STXBP5: variants seen among roughly 807,000 people sequenced by gnomAD.
STXBP5 encodes syntaxin binding protein 5, also known as syntaxin-binding protein 5.
In STXBP5, 50 loss-of-function variants were observed where a neutral mutation model predicts 152.4. The observed-to-expected ratio is 0.33, with a 90% confidence interval of 0.26 to 0.42. The LOEUF (loss-of-function observed/expected upper bound fraction) is 0.42, where lower values mean the gene tolerates loss of function less well. STXBP5 is among the 10% of genes least tolerant of loss of function. The pLI is 1.00. For missense variants in STXBP5, 1,167 were observed against 1,388.6 expected, an observed-to-expected ratio of 0.84 and a Z score of 2.54; for synonymous variants, 492 against 494.7, an observed-to-expected ratio of 0.99 and a Z score of 0.07.
chr6:147,346,121 T>C (rs1461671074), intron 21 of STXBP5, among the ~76,000 whole-genome samples: 1 of 152,210 alleles, frequency 6.6e-6, no homozygotes, highest in Non-Finnish European at 1.5e-5. Flanking sequence ...GCTTTCAGTT[T>C]GAAGGTCACA....
intron 8 of STXBP5, among the ~76,000 whole-genome samples, chr6:147,280,403 G>T (rs1335613138): frequency 6.6e-6 from 1 of 152,110 alleles, no homozygotes; most frequent in Non-Finnish European, 1.5e-5. Context: ...CTCATATCCT[G>T]ATCCTTTGGT....
At chr6:147,361,523 G>GA (rs1785066325) in intron 23 of STXBP5, among the ~76,000 whole-genome samples, 1 of 152,148 alleles carries the variant, frequency 6.6e-6, no homozygotes, top group African/African-American at 2.4e-5. Context: ...TGAGAAGAAA[G>GA]AGATGTTTTC....
chr6:147,370,576 T>C (rs1785493752), intron 25 of STXBP5, among the ~76,000 whole-genome samples: 1 of 152,068 alleles, frequency 6.6e-6, no homozygotes, highest in South Asian at 2.1e-4. Context: ...ATAAACTGTT[T>C]TTTTCAAATG....
intron 13 of STXBP5, 22 bp from the exon 14 acceptor site, chr6:147,314,574 T>G: frequency 6.2e-7 from 1 of 1,606,536 alleles, no homozygotes; most frequent in African/African-American, 1.3e-5. Context: ...ATTCATCACA[T>G]TCTTAACATT....
intron 11 of STXBP5, among the ~76,000 whole-genome samples, chr6:147,313,038 G>C (rs1310559100): frequency 6.6e-6 from 1 of 152,148 alleles, no homozygotes; most frequent in Non-Finnish European, 1.5e-5. Flanking sequence ...GAAGAAAGTT[G>C]CTTGCCGTTT....
intron 27 of STXBP5, among the ~76,000 whole-genome samples, chr6:147,383,268 T>C (rs1786180506): frequency 6.6e-6 from 1 of 152,118 alleles, no homozygotes; most frequent in African/African-American, 2.4e-5. Flanking sequence ...TTTGCAACTG[T>C]TTCTTAAGGA....
At chr6:147,362,810 T>A (rs1022933722) in intron 23 of STXBP5, among the ~76,000 whole-genome samples, 4 of 152,214 alleles carry the variant, frequency 2.6e-5, no homozygotes, top group African/African-American at 9.6e-5. Flanking sequence ...TGAAAGTGAT[T>A]GAGGCATTTT....
intron 23 of STXBP5, among the ~76,000 whole-genome samples, chr6:147,359,752 T>C (rs1009761954): frequency 1.3e-5 from 2 of 151,826 alleles, no homozygotes; most frequent in African/African-American, 2.4e-5. Flanking sequence ...AGAATGATGA[T>C]TTCCAATTTC....
chr6:147,315,102 C>G (rs1019468007), intron 14 of STXBP5, among the ~76,000 whole-genome samples: 6 of 152,032 alleles, frequency 3.9e-5, no homozygotes, highest in Non-Finnish European at 5.9e-5. Flanking sequence ...CCAGTTAACT[C>G]AGGATATGTT....
intron 7 of STXBP5, among the ~76,000 whole-genome samples, chr6:147,270,928 A>G (rs1255325595): frequency 1.3e-5 from 2 of 152,178 alleles, no homozygotes; most frequent in East Asian, 3.9e-4. Flanking sequence ...ATGGTAGACT[A>G]TGATAAAGAT....
intron 4 of STXBP5, among the ~76,000 whole-genome samples, chr6:147,257,103 T>A (rs1196172476): frequency 1.3e-5 from 2 of 151,860 alleles, no homozygotes; most frequent in Non-Finnish European, 2.9e-5. Context: ...AACTGTCATG[T>A]TCCCAGTAAC....
At chr6:147,218,147 C>T (rs1299447942) in intron 2 of STXBP5, among the ~76,000 whole-genome samples, 1 of 152,156 alleles carries the variant, frequency 6.6e-6, no homozygotes, top group African/African-American at 2.4e-5. Context: ...TCGTAGCCTC[C>T]TCCATTATCA....
At chr6:147,299,063 A>G (rs1330567169) in intron 9 of STXBP5, among the ~76,000 whole-genome samples, 1 of 152,054 alleles carries the variant, frequency 6.6e-6, no homozygotes, top group East Asian at 1.9e-4. Context: ...AAATAAAAAT[A>G]CCAAATATCA....
chr6:147,253,863 T>C (rs957195911), intron 4 of STXBP5, among the ~76,000 whole-genome samples: 1 of 152,136 alleles, frequency 6.6e-6, no homozygotes, highest in Non-Finnish European at 1.5e-5. Context: ...AAAATGGCCA[T>C]ACTGCCCAAA....
chr6:147,213,326 T>A (rs1222153043), intron 2 of STXBP5, among the ~76,000 whole-genome samples: 1 of 151,352 alleles, frequency 6.6e-6, no homozygotes, highest in African/African-American at 2.4e-5. Context: ...CAATCACAGC[T>A]CGCTGCAGCC....
intron 2 of STXBP5, among the ~76,000 whole-genome samples, chr6:147,226,150 C>A (rs765003533): frequency 6.6e-6 from 1 of 151,746 alleles, no homozygotes; most frequent in African/African-American, 2.4e-5. Context: ...AACAAACAAA[C>A]AAAAAAGCCA....
chr6:147,315,797 G>A lies in STXBP5; in HGVS notation c.1623+62G>A, dbSNP rs1053334258. On this transcript the variant is annotated intron_variant, in intron 15 of 27. Transcript: ENST00000321680. ...TTTCATCCACATTTTTAAATTTGTGGATGATTTGGAAGACTTTTTGCAGTC... is the reference window on the plus strand; with the variant it reads ...TTTCATCCACATTTTTAAATTTGTGAATGATTTGGAAGACTTTTTGCAGTC... The A allele has an allele frequency of 3.3e-6, 5 of 1,507,738 alleles. No individual in the cohort carries two copies. The African/African-American group carries it at 6.9e-5, about 21-fold the overall frequency. 93.4% of individuals were successfully genotyped at this position (1,507,738 alleles called of 1,614,324 possible). A position where few individuals can be genotyped will look rare whatever the true frequency, so the allele number is the denominator to read the frequency against.
At chr6:147,348,293 A>T (rs954591716) in intron 21 of STXBP5, among the ~76,000 whole-genome samples, 1 of 152,060 alleles carries the variant, frequency 6.6e-6, no homozygotes, top group Non-Finnish European at 1.5e-5. Flanking sequence ...CATGCAAGGG[A>T]AAGAAACCCA....
intron 9 of STXBP5, among the ~76,000 whole-genome samples, chr6:147,309,781 G>C (rs1582923387): frequency 6.6e-6 from 1 of 152,096 alleles, no homozygotes; most frequent in East Asian, 1.9e-4. Flanking sequence ...ATACATTTTA[G>C]AGACTTTAAT....
Sources: allele counts gnomAD v4.1 joint callset (sites outside exome capture counted in the v4.1 genomes callset), GRCh38; gene constraint gnomAD v4.1.1; transcripts MANE v1.5; gene names NCBI Gene and HGNC (gene_info 2026-07-23, HGNC 2026-07-21).